The following CACNA1C variants were observed in gnomAD, a reference collection of about 807,000 sequenced individuals.
CACNA1C encodes voltage-dependent L-type calcium channel subunit alpha-1C.
A neutral mutation model predicts 229.0 loss-of-function variants in CACNA1C; 30 were observed. That is an observed-to-expected ratio of 0.13 (90% CI 0.10 to 0.18). The LOEUF is 0.18. Among genes scored for constraint, CACNA1C ranks in the 10% least tolerant of loss-of-function variants. CACNA1C has a pLI of 1.00. For synonymous variants in CACNA1C, 1,114 were observed against 1,132.5 expected (o/e 0.98, Z 0.33); for missense variants, 1,658 against 2,845.0 (o/e 0.58, Z 9.49).
At chr12:2,202,798 C>T (rs758527881) in intron 3 of CACNA1C, among the ~76,000 whole-genome samples, 2 of 152,086 alleles carry the variant, frequency 1.3e-5, no homozygotes, top group South Asian at 2.1e-4. Context: ...TCCCCATGAG[C>T]GGAGGGTGGA....
intron 1 of CACNA1C, among the ~76,000 whole-genome samples, chr12:1,983,678 G>C (rs978376071): frequency 7.9e-5 from 12 of 152,000 alleles, no homozygotes; most frequent in African/African-American, 2.9e-4. Context: ...ACGTGCACTT[G>C]AGAAGAACGT....
intron 3 of CACNA1C, among the ~76,000 whole-genome samples, chr12:2,156,132 T>A (rs553945946): frequency 6.6e-6 from 1 of 152,304 alleles, no homozygotes; most frequent in South Asian, 2.1e-4. Flanking sequence ...AATGAAGCTA[T>A]CTTTTAAGGT....
At chr12:2,110,996 G>GAGAGGCCACACCTGTCTCACCCA (rs2081482181) in intron 1 of CACNA1C, among the ~76,000 whole-genome samples, 2 of 151,538 alleles carry the variant, frequency 1.3e-5, no homozygotes, top group Non-Finnish European at 2.9e-5. Context: ...TGTCTCACCC[G>GAGAGGCCACACCTGTCTCACCCA]AGAGGCCATA....
intron 9 of CACNA1C, among the ~76,000 whole-genome samples, chr12:2,527,804 A>C (rs1397864875): frequency 6.6e-6 from 1 of 152,116 alleles, no homozygotes; most frequent in East Asian, 1.9e-4. Flanking sequence ...TGACATGAAA[A>C]AGTAATGTCA....
At chr12:2,056,196 AGTGTGTGTGT>A (rs138718348) in intron 1 of CACNA1C, among the ~76,000 whole-genome samples, 1,764 of 146,104 alleles carry the variant, frequency 0.012, 22 homozygotes, top group East Asian at 0.058. Flanking sequence ...AGTGTGTGTG[AGTGTGTGTGT>A]GTGTGTGTGT....
At chr12:2,610,840 T>A (rs1350945656) in intron 28 of CACNA1C, 141 bp downstream of exon 28, 1 of 835,490 alleles carries the variant, frequency 1.2e-6, no homozygotes, top group Admixed American at 2.1e-5. Context: ...ACGAGTGTTC[T>A]CTGTCAAGGA....
At chr12:2,610,243 T>C (rs1462230562) in intron 27 of CACNA1C, among the ~76,000 whole-genome samples, 1 of 152,156 alleles carries the variant, frequency 6.6e-6, no homozygotes, top group Non-Finnish European at 1.5e-5. Context: ...CCGAGGCACA[T>C]GCCAGGCATC....
intron 4 of CACNA1C, among the ~76,000 whole-genome samples, chr12:2,454,209 C>T (rs978039225): frequency 4.6e-5 from 7 of 152,316 alleles, no homozygotes; most frequent in East Asian, 1.9e-4. Context: ...TACTTCACTC[C>T]GACACTCACT....
At chr12:2,516,799 A>G (rs2099797744) in intron 9 of CACNA1C, among the ~76,000 whole-genome samples, 1 of 152,192 alleles carries the variant, frequency 6.6e-6, no homozygotes, top group Non-Finnish European at 1.5e-5. Flanking sequence ...GGAGATGTTG[A>G]GTATGTAATA....
At chr12:2,517,277 G>T (rs774107365) in intron 9 of CACNA1C, among the ~76,000 whole-genome samples, 2 of 152,254 alleles carry the variant, frequency 1.3e-5, no homozygotes, top group African/African-American at 2.4e-5. Context: ...GCATGGCCCA[G>T]CTTCCAGCCA....
At chr12:2,061,506 T>G (rs1222490069) in intron 1 of CACNA1C, among the ~76,000 whole-genome samples, 1 of 151,324 alleles carries the variant, frequency 6.6e-6, no homozygotes, top group Non-Finnish European at 1.5e-5. Context: ...TAGGAGCCTG[T>G]GGCCAGTAGG....
At chr12:2,303,943 A>G (rs1404443668) in intron 3 of CACNA1C, among the ~76,000 whole-genome samples, 1 of 152,214 alleles carries the variant, frequency 6.6e-6, no homozygotes, top group Non-Finnish European at 1.5e-5. Flanking sequence ...GTATCTGCAC[A>G]TGGTGAGCGC....
Position 2,358,251 on chromosome 12 carries a change from C to CTGTG in CACNA1C, c.478-90671_478-90668dup, listed in dbSNP as rs57191390. 2.4e-3 allele frequency among the ~76,000 whole-genome samples: 329 copies of CTGTG among 136,088 alleles called. 2 individuals are homozygous for CTGTG. Among genetic ancestry groups the CTGTG allele is most frequent in the South Asian group, 9.9e-3 (37 of 3,732 alleles). 89.3% of individuals were successfully genotyped at this position (136,088 alleles called of 152,430 possible). A position where few individuals can be genotyped will look rare whatever the true frequency, so the allele number is the denominator to read the frequency against. On this transcript the variant is annotated intron_variant, in intron 3 of 46. Coordinates refer to ENST00000399655, the MANE Select transcript of CACNA1C (RefSeq NM_000719.7). ...CTGGCCTAAAAGAAGCGGCGTCCTC[C>CTGTG]TGTGTGTGTGTGTGTGTGTGTGTGT...
intron 3 of CACNA1C, among the ~76,000 whole-genome samples, chr12:2,330,773 G>A (rs1488696135): frequency 6.6e-6 from 1 of 152,180 alleles, no homozygotes; most frequent in Non-Finnish European, 1.5e-5. Context: ...TAGGACAATT[G>A]GTTAGCTGCT....
In CACNA1C at chr12:2,528,460, C is replaced by T. The variant is rs78061975; in HGVS notation, c.1390+15476C>T. Among the ~76,000 whole-genome samples the T allele has an allele frequency of 3.9e-3, 599 of 152,312 alleles. 25 individuals carry two copies. The South Asian group carries it at 0.049, about 12-fold the overall frequency. On this transcript the variant is annotated intron_variant, in intron 9 of 46. Transcript: ENST00000399655. ...ACTTTTCCTCCTGCAGGATTGCCTGCACCCTGAAAGCCAGCCCGTTCTTCC... is the reference window on the plus strand; with the variant it reads ...ACTTTTCCTCCTGCAGGATTGCCTGTACCCTGAAAGCCAGCCCGTTCTTCC...
Position 2,396,910 on chromosome 12 carries a change from C to T in CACNA1C, c.478-52066C>T, listed in dbSNP as rs184189972. Reference sequence around the variant, plus strand: ...CAGGCTGGAGGCCCAGGGCAGGCTGCTGCACTGTCTCAGCTCTTTCTTGGT... The same window carrying T: ...CAGGCTGGAGGCCCAGGGCAGGCTGTTGCACTGTCTCAGCTCTTTCTTGGT... On this transcript the variant is annotated intron_variant, in intron 3 of 46. Transcript: ENST00000399655. 2.4e-3 allele frequency among the ~76,000 whole-genome samples: 361 copies of T among 152,376 alleles called. 1 individual carries two copies. The highest frequency in any genetic ancestry group is 4.1e-3 in the Non-Finnish European group (279 of 68,044).
At chr12:1,981,124 A>G (rs528607981) in intron 1 of CACNA1C, among the ~76,000 whole-genome samples, 2 of 152,314 alleles carry the variant, frequency 1.3e-5, no homozygotes, top group African/African-American at 2.4e-5. Context: ...ACAACTCACA[A>G]TCACCTCTAG....
rs1443808298 is a variant in CACNA1C, at chr12:2,354,437, G to C, written c.478-94539G>C. ...CACAGCTAGCCAGGGCTGCAGCTAT[G>C]ACTGCAGCCTGTAGGGAAACGCCGG... On this transcript the variant is annotated intron_variant, in intron 3 of 46. Transcript: ENST00000399655. The surrounding 1 kb of genome is among the most constrained non-coding windows in gnomAD (Gnocchi z 4.6). 6.6e-6 allele frequency among the ~76,000 whole-genome samples: 1 copy of C among 152,206 alleles called. No individual in the cohort carries two copies. The highest frequency in any genetic ancestry group is 2.4e-5 in the African/African-American group (1 of 41,458).
intron 26 of CACNA1C, 91 bp downstream of exon 26, chr12:2,607,221 C>A: frequency 7.3e-7 from 1 of 1,364,916 alleles, no homozygotes; most frequent in Non-Finnish European, 1.0e-6. Flanking sequence ...TAATGTCCCG[C>A]ACTCCCTCTG....
Sources: allele counts gnomAD v4.1 joint callset (sites outside exome capture counted in the v4.1 genomes callset), GRCh38; gene constraint gnomAD v4.1.1; non-coding constraint Gnocchi (gnomAD v3.1); transcripts MANE v1.5; gene names NCBI Gene and HGNC (gene_info 2026-07-23, HGNC 2026-07-21).